Variants in AGMO observed in about 807,000 individuals in gnomAD.
AGMO encodes the protein alkylglycerol monooxygenase.
A neutral mutation model predicts 60.2 loss-of-function variants in AGMO; 75 were observed. That is an observed-to-expected ratio of 1.25 (90% CI 1.03 to 1.51). The LOEUF is 1.51. Among genes scored for constraint, AGMO ranks in the 40% most tolerant of loss-of-function variants. The pLI, the probability that AGMO is intolerant of heterozygous loss-of-function variation, is 0.00. For missense variants in AGMO, 763 were observed against 525.5 expected (o/e 1.45, Z -4.42); for synonymous variants, 261 against 177.1 (o/e 1.47, Z -3.76).
the AGMO span, among the ~76,000 whole-genome samples, chr7:15,117,355 G>A: frequency 1.2e-3 from 178 of 152,096 alleles, no homozygotes; most frequent in Admixed American, 2.3e-3. Context: ...CTATGTAAAT[G>A]TCCATAACTG....
intron 2 of AGMO, among the ~76,000 whole-genome samples, chr7:15,558,085 G>C (rs1406996064): frequency 1.4e-5 from 2 of 145,388 alleles, no homozygotes; most frequent in Non-Finnish European, 3.0e-5. Context: ...TTTTATTCTT[G>C]TTTTCCTGTT....
At chr7:15,139,567 A>T in the AGMO span, among the ~76,000 whole-genome samples, 1 of 151,916 alleles carries the variant, frequency 6.6e-6, no homozygotes, top group South Asian at 2.1e-4. Flanking sequence ...TTTTGTGTTC[A>T]TGAGTTCTCA....
At chr7:15,236,991 T>A (rs1011623581) in intron 12 of AGMO, among the ~76,000 whole-genome samples, 1 of 150,310 alleles carries the variant, frequency 6.7e-6, no homozygotes, top group Non-Finnish European at 1.5e-5. Flanking sequence ...CAAACAAACA[T>A]AAAAAATGTA....
chr7:15,315,311 A>C (rs1780887462), intron 12 of AGMO, among the ~76,000 whole-genome samples: 1 of 145,528 alleles, frequency 6.9e-6, no homozygotes, highest in South Asian at 2.2e-4. Flanking sequence ...TATAAGCAAA[A>C]CTTACATGGA....
intron 12 of AGMO, among the ~76,000 whole-genome samples, chr7:15,221,577 T>C (rs896782195): frequency 4.6e-5 from 7 of 152,176 alleles, no homozygotes; most frequent in African/African-American, 1.7e-4. Context: ...CTCTGATATT[T>C]CTTCTCCTTG....
intron 2 of AGMO, among the ~76,000 whole-genome samples, chr7:15,557,953 G>A (rs752940148): frequency 2.0e-5 from 3 of 151,390 alleles, no homozygotes; most frequent in Non-Finnish European, 2.9e-5. Context: ...AGAACCTCAT[G>A]TTCTATCCCT....
At chr7:15,278,319 C>T (rs1218947462) in intron 12 of AGMO, among the ~76,000 whole-genome samples, 1 of 152,046 alleles carries the variant, frequency 6.6e-6, no homozygotes, top group Admixed American at 6.6e-5. Context: ...GTCAGCCTGA[C>T]CTTAGGACCC....
At chr7:15,232,258 G>A (rs1213369354) in intron 12 of AGMO, among the ~76,000 whole-genome samples, 1 of 152,142 alleles carries the variant, frequency 6.6e-6, no homozygotes. Flanking sequence ...CTTCTTACAA[G>A]ACATGGGAAG....
chr7:15,441,010 C>A (rs1781540809), intron 3 of AGMO, among the ~76,000 whole-genome samples: 1 of 152,134 alleles, frequency 6.6e-6, no homozygotes, highest in African/African-American at 2.4e-5. Context: ...TAGCCCTAGG[C>A]CATGGGTCTG....
rs1783820679 is a variant in AGMO at position 15,277,125 on chromosome 7, TG to T, written c.1264-75767del. On this transcript the variant is annotated intron_variant, in intron 12 of 12. Coordinates refer to ENST00000342526, the MANE Select transcript of AGMO (RefSeq NM_001004320.2). ...GAGTTCTAGACCAGCATGGCCAACA[TG>T]GCAAAACCCTATCTCTAGTAAAAAT... Among the ~76,000 whole-genome samples the T allele has an allele frequency of 2.0e-5, 3 of 151,822 alleles. No homozygotes were observed. The South Asian group carries it at 6.2e-4, about 32-fold the overall frequency.
rs200938176 is a variant in AGMO at position 15,371,063 on chromosome 7, T to C, written c.1075-4841A>G. Among the ~76,000 whole-genome samples, 21 of 152,292 alleles carry C rather than the reference T, an allele frequency of 1.4e-4. No individual in the cohort carries two copies. In the East Asian group the frequency reaches 3.7e-3, roughly 27 times the overall value. ...GTAGAGGGATAGCTGGCTAGCCATATGCAGAAGAATGAAACCAGACCCCTA... is the reference window on the plus strand; with the variant it reads ...GTAGAGGGATAGCTGGCTAGCCATACGCAGAAGAATGAAACCAGACCCCTA... On this transcript the variant is annotated intron_variant, in intron 10 of 12. Transcript: ENST00000342526.
intron 10 of AGMO, among the ~76,000 whole-genome samples, chr7:15,374,911 C>T (rs1783386057): frequency 6.6e-6 from 1 of 152,022 alleles, no homozygotes; most frequent in African/African-American, 2.4e-5. Flanking sequence ...AGCAAGTCAG[C>T]TCATGCGTGA....
At chr7:15,274,394 C>G (rs4721424) in intron 12 of AGMO, among the ~76,000 whole-genome samples, 49,070 of 152,020 alleles carry the variant, frequency 0.32, 11,657 homozygotes, top group African/African-American at 0.67. Flanking sequence ...TTTTGTCTTT[C>G]GTTCTGTTTA....
chr7:15,375,680 G>T (rs1247772221), intron 10 of AGMO, among the ~76,000 whole-genome samples: 1 of 152,132 alleles, frequency 6.6e-6, no homozygotes, highest in Non-Finnish European at 1.5e-5. Context: ...ACAGGCGTAA[G>T]CCACTGTGCC....
rs1456242367 is a variant in AGMO, at chr7:15,247,453, C to CAG, written c.1264-46095_1264-46094insCT. On this transcript the variant is annotated intron_variant, in intron 12 of 12. Coordinates refer to ENST00000342526, the MANE Select transcript of AGMO (RefSeq NM_001004320.2). ...ACACACACACACACACACACACACA[C>CAG]ACACACAGAGAGAGAGAGAGAGAGA... Among the ~76,000 whole-genome samples, 654 of 117,508 alleles carry CAG rather than the reference C, an allele frequency of 5.6e-3. 4 individuals are homozygous for CAG. The highest frequency in any genetic ancestry group is 0.023 in the African/African-American group (611 of 26,770). The allele number at this position is 117,508 out of a possible 152,430, so 77.1% of individuals were successfully genotyped here. A position where few individuals can be genotyped will look rare whatever the true frequency, so the allele number is the denominator to read the frequency against.
the AGMO span, among the ~76,000 whole-genome samples, chr7:15,146,801 C>T: frequency 3.9e-5 from 6 of 152,126 alleles, no homozygotes; most frequent in Admixed American, 1.3e-4. Context: ...ATGATCATGG[C>T]ATCATCTTCT....
chr7:15,330,012 T>A (rs1781453204), intron 12 of AGMO, among the ~76,000 whole-genome samples: 1 of 152,046 alleles, frequency 6.6e-6, no homozygotes. Context: ...ATAACTAATT[T>A]ATAGAAGTTT....
At chr7:15,351,000 A>C (rs2128553792) in intron 12 of AGMO, among the ~76,000 whole-genome samples, 1 of 152,258 alleles carries the variant, frequency 6.6e-6, no homozygotes, top group Admixed American at 6.5e-5. Context: ...TTTTTAAGAA[A>C]ATTTAGCTCA....
chr7:15,255,121 C>T (rs938870306), intron 12 of AGMO, among the ~76,000 whole-genome samples: 4 of 152,108 alleles, frequency 2.6e-5, no homozygotes, highest in African/African-American at 7.2e-5. Context: ...GAAAACCAAA[C>T]ACTGCATGTT....
Sources: allele counts gnomAD v4.1 joint callset (sites outside exome capture counted in the v4.1 genomes callset), GRCh38; gene constraint gnomAD v4.1.1; transcripts MANE v1.5; gene names NCBI Gene and HGNC (gene_info 2026-07-23, HGNC 2026-07-21).